Variants in FMNL2 observed in about 807,000 individuals in gnomAD.
FMNL2 encodes the protein formin like 2.
FMNL2 carries 51 observed loss-of-function variants against 130.2 expected under a neutral mutation model. The ratio of observed to expected loss-of-function variants is 0.39; its 90% CI spans 0.31 to 0.49. The LOEUF is 0.49. FMNL2 is among the 20% of genes least tolerant of loss of function. FMNL2 has a pLI of 0.85. For synonymous variants in FMNL2, 465 were observed against 467.1 expected (o/e 1.00, Z 0.06); for missense variants, 977 against 1,316.2 (o/e 0.74, Z 3.99).
intron 1 of FMNL2, among the ~76,000 whole-genome samples, chr2:152,387,820 A>ATT (rs10538950): frequency 1.4e-5 from 2 of 146,374 alleles, no homozygotes; most frequent in African/African-American, 2.5e-5. Context: ...TAAAAAAAAA[A>ATT]TTTTTTTTTT....
At chr2:152,626,868 A>G in intron 17 of FMNL2, 141 bp downstream of exon 17, 1 of 859,348 alleles carries the variant, frequency 1.2e-6, no homozygotes, top group South Asian at 1.8e-5. Flanking sequence ...TCCACACTTG[A>G]GAGATCTGAA....
chr2:152,508,814 A>T (rs1692325683), intron 1 of FMNL2, among the ~76,000 whole-genome samples: 1 of 152,208 alleles, frequency 6.6e-6, no homozygotes, highest in Admixed American at 6.5e-5. Context: ...CAGAGGGTCA[A>T]TACAGTCAGA....
intron 1 of FMNL2, among the ~76,000 whole-genome samples, chr2:152,349,125 G>A (rs1682318177): frequency 8.0e-6 from 1 of 125,742 alleles, no homozygotes; most frequent in African/African-American, 3.3e-5. Context: ...GTGAGCCACC[G>A]CGCCCGGCCA....
At chr2:152,641,436 A>G (rs775726381) in intron 25 of FMNL2, among the ~76,000 whole-genome samples, 9 of 152,242 alleles carry the variant, frequency 5.9e-5, no homozygotes, top group Non-Finnish European at 1.0e-4. Context: ...TTGAATTAGC[A>G]TAATGCTATC....
chr2:152,461,736 A>T (rs1689261003), intron 1 of FMNL2, among the ~76,000 whole-genome samples: 1 of 152,224 alleles, frequency 6.6e-6, no homozygotes, highest in South Asian at 2.1e-4. Flanking sequence ...TCAAGGTGAT[A>T]TGTAATTACA....
intron 2 of FMNL2, among the ~76,000 whole-genome samples, chr2:152,538,559 C>T (rs550960843): frequency 2.0e-5 from 3 of 152,242 alleles, no homozygotes; most frequent in African/African-American, 4.8e-5. Flanking sequence ...GGATTACAGG[C>T]GTGAGCCACT....
At chr2:152,603,381 A>G (rs1698192276) in intron 9 of FMNL2, among the ~76,000 whole-genome samples, 1 of 150,302 alleles carries the variant, frequency 6.7e-6, no homozygotes, top group African/African-American at 2.5e-5. Flanking sequence ...AGCTGTAAAT[A>G]AGAAGATATT....
intron 16 of FMNL2, among the ~76,000 whole-genome samples, chr2:152,626,184 A>T (rs190987827): frequency 2.6e-5 from 4 of 152,218 alleles, no homozygotes; most frequent in Non-Finnish European, 5.9e-5. Context: ...TTACAGGCAC[A>T]CACTACCATG....
intron 1 of FMNL2, among the ~76,000 whole-genome samples, chr2:152,415,181 C>A (rs76306631): frequency 0.023 from 3,423 of 147,586 alleles, 119 homozygotes; most frequent in African/African-American, 0.082. Flanking sequence ...AAAAAAAAAA[C>A]AAAAAAACCC....
intron 1 of FMNL2, among the ~76,000 whole-genome samples, chr2:152,444,422 G>A (rs1318031221): frequency 6.6e-6 from 1 of 152,172 alleles, no homozygotes; most frequent in Non-Finnish European, 1.5e-5. Flanking sequence ...GGCCCCATTC[G>A]GGTTTGCCTC....
chr2:152,548,909 C>A, intron 3 of FMNL2, 112 bp from the exon 4 acceptor site: 2 of 828,594 alleles, frequency 2.4e-6, no homozygotes, highest in South Asian at 4.6e-5. Context: ...GTGAGGGAAG[C>A]CCATTTTAGA....
chr2:152,432,861 T>C (rs1373290131), intron 1 of FMNL2, among the ~76,000 whole-genome samples: 1 of 152,204 alleles, frequency 6.6e-6, no homozygotes, highest in East Asian at 1.9e-4. Context: ...GAGAGCTGGC[T>C]TTGCAGCGTA....
chr2:152,579,512 C>T (rs1349259324), intron 8 of FMNL2, among the ~76,000 whole-genome samples: 3 of 152,150 alleles, frequency 2.0e-5, no homozygotes, highest in African/African-American at 7.2e-5. Context: ...GCCTGGCTAA[C>T]ATGGTGAAAC....
At chr2:152,362,352 G>A (rs1683227530) in intron 1 of FMNL2, among the ~76,000 whole-genome samples, 1 of 152,160 alleles carries the variant, frequency 6.6e-6, no homozygotes, top group African/African-American at 2.4e-5. Context: ...AGAATTAGAT[G>A]TAAGTTTTAA....
At chr2:152,355,225 G>T (rs908458399) in intron 1 of FMNL2, among the ~76,000 whole-genome samples, 12 of 152,150 alleles carry the variant, frequency 7.9e-5, no homozygotes, top group African/African-American at 2.9e-4. Context: ...TGCCAAAAGT[G>T]AACAAAGAGG....
At chr2:152,552,926 A>G (rs6760242) in intron 4 of FMNL2, among the ~76,000 whole-genome samples, 82,537 of 152,064 alleles carry the variant, frequency 0.54, 23,007 homozygotes, top group Non-Finnish European at 0.61. Flanking sequence ...TAGTAAAGCT[A>G]CCTATAATGA....
intron 1 of FMNL2, among the ~76,000 whole-genome samples, chr2:152,494,948 T>C (rs1247694413): frequency 6.6e-6 from 1 of 152,078 alleles, no homozygotes. Context: ...ACAAGTAGAG[T>C]AGAAAATAGA....
chr2:152,392,014 GCCACC>G (rs1685142846), intron 1 of FMNL2, among the ~76,000 whole-genome samples: 1 of 140,712 alleles, frequency 7.1e-6, no homozygotes, highest in Non-Finnish European at 1.5e-5. Context: ...TTGCAAGATT[GCCACC>G]CTCCTTGCTA....
chr2:152,395,454 T>C (rs2105942347), intron 1 of FMNL2, among the ~76,000 whole-genome samples: 1 of 152,340 alleles, frequency 6.6e-6, no homozygotes, highest in East Asian at 1.9e-4. Context: ...AGATGGCCTG[T>C]TAGCTTTCTT....
Sources: gnomAD v4.1 joint callset for allele counts (sites outside exome capture counted in the v4.1 genomes callset) on GRCh38, gnomAD v4.1.1 for gene constraint, MANE v1.5 for transcripts, NCBI Gene and HGNC (gene_info 2026-07-23, HGNC 2026-07-21) for gene names.